Variants in TASOR observed in about 807,000 individuals in gnomAD.
TASOR encodes the protein transcription activation suppressor, also known as protein TASOR.
A neutral mutation model predicts 178.6 loss-of-function variants in TASOR; 53 were observed. The ratio of observed to expected loss-of-function variants is 0.30; its 90% confidence interval spans 0.24 to 0.37. The LOEUF is 0.37. Ranked by LOEUF, TASOR falls within the 10% of genes least tolerant of loss-of-function variation. TASOR has a pLI of 1.00. For missense variants in TASOR, 1,815 were observed against 1,971.4 expected, an observed-to-expected ratio of 0.92 and a Z score of 1.50; for synonymous variants, 713 against 696.2, an observed-to-expected ratio of 1.02 and a Z score of -0.38.
Position 56,646,683 on chromosome 3 carries a change from A to G in TASOR, c.2054T>C (p.Ile685Thr). The G allele has an allele frequency of 6.2e-7, 1 of 1,613,904 alleles. No homozygotes were observed. The highest frequency in any genetic ancestry group is 8.5e-7 in the Non-Finnish European group (1 of 1,179,994). ...CTTTTTCCTACACTGAATTAAATTAATCAATTCTTTGACTCTATCCTTATC... is the reference window on the plus strand; with the variant it reads ...CTTTTTCCTACACTGAATTAAATTAGTCAATTCTTTGACTCTATCCTTATC... ...DYDKDRVKEL[I>T]NLIQCRKKSV... The change falls in exon 14 of 24, where the codon ATT becomes ACT. Residue 685 changes from isoleucine to threonine, a missense_variant. Ile to Thr is a moderately conservative substitution (Grantham distance 89). Around this residue, in one of 5 missense-constraint regions of TASOR, gnomAD observed 504 missense variants for 645.3 expected, o/e 0.78. Coordinates refer to ENST00000683822, the MANE Select transcript of TASOR (RefSeq NM_001365635.2).
At chr3:56,666,223 A>T in intron 7 of TASOR, 37 bp downstream of exon 7, 1 of 1,482,848 alleles carries the variant, frequency 6.7e-7, no homozygotes, top group Non-Finnish European at 9.0e-7. Flanking sequence ...TAGTAGAATT[A>T]TCACTGCGGA....
At chr3:56,630,078 GC>G (rs2076877617) in intron 18 of TASOR, among the ~76,000 whole-genome samples, 1 of 151,168 alleles carries the variant, frequency 6.6e-6, no homozygotes, top group Non-Finnish European at 1.5e-5. Context: ...CCATTCTCCT[GC>G]CTCAGCCTCC....
chr3:56,682,994 C>T lies in TASOR; in HGVS notation c.13G>A (p.Val5Met). 1 of 1,544,480 alleles carries T rather than the reference C, an allele frequency of 6.5e-7. No individual in the cohort carries two copies. The highest frequency in any genetic ancestry group is 1.7e-4 in the Middle Eastern group (1 of 5,934). MATA[V>M]ETEACQPTDA... The stretch of plus-strand genomic sequence containing the variant: ...GTCGGCTGACAGGCCTCCGTCTCCA[C>T]AGCAGTCGCCATCGCGCCGGCCTAA... Residue 5 changes from valine (V) to methionine (M), a missense_variant, in exon 1 of 24, where the codon GTG becomes ATG. Val to Met is a conservative substitution (Grantham distance 21). Coordinates refer to ENST00000683822, the MANE Select transcript of TASOR (RefSeq NM_001365635.2).
At position 56,682,590 on chromosome 3, in the gene TASOR, T is replaced by C. The variant is rs2031902563; in HGVS notation, c.331+86A>G. ...TGCATGCGTGTTTACGTATCTCGGA[T>C]GGGTGTGGGAAGAGGAGATAGAAAG... On this transcript the variant is annotated intron_variant, in intron 1 of 23. Coordinates refer to ENST00000683822, the MANE Select transcript of TASOR (RefSeq NM_001365635.2). 3 of 1,138,974 alleles carry C rather than the reference T, an allele frequency of 2.6e-6. No homozygotes were observed. The East Asian group carries it at 8.9e-5, about 34-fold the overall frequency. The allele number at this position is 1,138,974 out of a possible 1,614,324, so 70.6% of individuals were successfully genotyped here.
At chr3:56,651,278 A>G (rs2077346212) in intron 11 of TASOR, among the ~76,000 whole-genome samples, 1 of 152,158 alleles carries the variant, frequency 6.6e-6, no homozygotes. Flanking sequence ...TAAAAAAAAA[A>G]AAAGATATTA....
Position 56,627,538 on chromosome 3 carries a change from A to G in TASOR, c.4030+44T>C, listed in dbSNP as rs768430987. ...AATGGACAGTACATTAAAAAGTATG[A>G]GAGTCAGAAGAGGAGTTACGTGCTC... On this transcript the variant is annotated intron_variant, in intron 20 of 23. Coordinates refer to ENST00000683822, the MANE Select transcript of TASOR (RefSeq NM_001365635.2). The G allele has an allele frequency of 7.5e-6, 12 of 1,597,314 alleles. No individual in the cohort carries two copies. The Admixed American group carries it at 2.0e-4, about 27-fold the overall frequency.
intron 3 of TASOR, among the ~76,000 whole-genome samples, chr3:56,670,923 AGAGT>A (rs1397264887): frequency 7.4e-6 from 1 of 135,440 alleles, no homozygotes; most frequent in Non-Finnish European, 1.5e-5. Flanking sequence ...CCTGAGCAAC[AGAGT>A]GAGACTCCAT....
intron 21 of TASOR, 115 bp from the exon 22 acceptor site, chr3:56,625,121 T>A: frequency 3.4e-6 from 3 of 881,614 alleles, no homozygotes; most frequent in Non-Finnish European, 5.3e-6. Flanking sequence ...ACAACTGCAC[T>A]GCTTTAGCTC....
At chr3:56,675,117 C>T (rs1238858658) in intron 1 of TASOR, among the ~76,000 whole-genome samples, 2 of 151,818 alleles carry the variant, frequency 1.3e-5, no homozygotes, top group African/African-American at 4.8e-5. Context: ...AGCCACCGTG[C>T]CCAGCCAGGA....
In TASOR at chr3:56,646,762, T is replaced by C. The variant is rs2077246762; in HGVS notation, c.1975A>G (p.Arg659Gly). Residue 659 changes from arginine (R) to glycine (G), a missense_variant, in exon 14 of 24, where the codon AGA becomes GGA. Physicochemically the swap from Arg to Gly is moderately radical, Grantham distance 125. Transcript: ENST00000683822. ...KMKFGKRNNS[R>G]GEAIISGKQR... ...TTTCCAGATATAATGGCTTCACCTC[T>C]TGAGTTATTTCGTTTTCCAAATTTC... The C allele has an allele frequency of 6.2e-7, 1 of 1,613,842 alleles. No individual in the cohort carries two copies. The highest frequency in any genetic ancestry group is 1.3e-5 in the African/African-American group (1 of 74,948).
chr3:56,648,778 T>G (rs1013812652), intron 13 of TASOR, 44 bp downstream of exon 13: 30 of 1,381,700 alleles, frequency 2.2e-5, no homozygotes, highest in Non-Finnish European at 3.0e-5. Context: ...AATGAAATGT[T>G]AAGTATCTAT....
At position 56,621,745 on chromosome 3, in the gene TASOR, G is replaced by A; in HGVS notation, c.*1292C>T. On this transcript the variant is annotated 3_prime_UTR_variant, in exon 24 of 24. Coordinates refer to ENST00000683822, the MANE Select transcript of TASOR (RefSeq NM_001365635.2). ...TTTTTTAAATGCTCATTAAAAACTT[G>A]TATACTATGTAGTAAAATGCTGTAC... is the stretch of plus-strand genomic sequence containing the variant. 2 of 395,258 alleles carry A rather than the reference G, an allele frequency of 5.1e-6. No homozygotes were observed. The highest frequency in any genetic ancestry group is 9.1e-6 in the Non-Finnish European group (2 of 220,838). 24.5% of individuals were successfully genotyped at this position (395,258 alleles called of 1,614,324 possible).
At chr3:56,627,866 T>A in intron 19 of TASOR, 125 bp from the exon 20 acceptor site, 4 of 771,478 alleles carry the variant, frequency 5.2e-6, no homozygotes, top group Non-Finnish European at 8.3e-6. Context: ...GTGGATTACC[T>A]CTGGAAAGCC....
At chr3:56,678,336 C>T (rs1195514079) in intron 1 of TASOR, among the ~76,000 whole-genome samples, 2 of 151,896 alleles carry the variant, frequency 1.3e-5, no homozygotes, top group Admixed American at 6.6e-5. Context: ...CACCCACCAC[C>T]AGGCCCAGCT....
At position 56,623,222 on chromosome 3, in the gene TASOR, G is replaced by A; in HGVS notation, c.4828C>T (p.His1610Tyr). Residue 1610 changes from histidine to tyrosine, a missense_variant, in exon 24 of 24, where the codon CAT becomes TAT. Physicochemically the swap from His to Tyr is moderately conservative, Grantham distance 83. Transcript: ENST00000683822. ...GTCTGATGAGTGAGAACATTAAAAT[G>A]ACTAAACTGATGGGACATATTTAAT... ...SQLNMSHQFS[H>Y]FNVLTHQTFL... 1 of 1,613,432 alleles carries A rather than the reference G, an allele frequency of 6.2e-7. No homozygotes were observed. Among genetic ancestry groups the A allele is most frequent in the Non-Finnish European group, 8.5e-7 (1 of 1,179,826 alleles).
At chr3:56,674,802 T>C (rs926908371) in intron 1 of TASOR, among the ~76,000 whole-genome samples, 8 of 152,184 alleles carry the variant, frequency 5.3e-5, no homozygotes, top group African/African-American at 1.4e-4. Context: ...GCTCTAAGCA[T>C]AGCATCTGAC....
In TASOR at chr3:56,632,925, C is replaced by T. The variant is rs1425560757; in HGVS notation, c.3747+119G>A. On this transcript the variant is annotated intron_variant, in intron 18 of 23. Coordinates refer to ENST00000683822, the MANE Select transcript of TASOR (RefSeq NM_001365635.2). The stretch of plus-strand genomic sequence containing the variant: ...GTTTTGGGATTACAGGTATTAGCCA[C>T]CATTCCTGGCCTAACATTTAAACAC... 10 of 839,242 alleles carry T rather than the reference C, an allele frequency of 1.2e-5. No homozygotes were observed. The African/African-American group carries it at 1.6e-4, about 13-fold the overall frequency. 52.0% of individuals were successfully genotyped at this position (839,242 alleles called of 1,614,324 possible).
At chr3:56,628,355 C>A in intron 19 of TASOR, 137 bp downstream of exon 19, 1 of 750,534 alleles carries the variant, frequency 1.3e-6, no homozygotes, top group South Asian at 1.9e-5. Flanking sequence ...TTGAATCTCA[C>A]AAGCTGATTC....
At chr3:56,655,115 C>A (rs1262931470) in intron 11 of TASOR, among the ~76,000 whole-genome samples, 2 of 152,124 alleles carry the variant, frequency 1.3e-5, no homozygotes, top group Non-Finnish European at 2.9e-5. Context: ...AAAATCCATT[C>A]ATGGTTAAAA....
Sources: allele counts gnomAD v4.1 joint callset (sites outside exome capture counted in the v4.1 genomes callset), GRCh38; gene constraint gnomAD v4.1.1; regional missense constraint gnomAD v4.1.1; transcripts MANE v1.5; gene names NCBI Gene and HGNC (gene_info 2026-07-23, HGNC 2026-07-21).